Variants in MYO10 observed in about 807,000 individuals in gnomAD.
The protein encoded by MYO10 is myosin X.
A neutral mutation model predicts 257.3 loss-of-function variants in MYO10; 133 were observed. The observed-to-expected ratio is 0.52, with a 90% CI of 0.45 to 0.60. The LOEUF (loss-of-function observed/expected upper bound fraction) is 0.60, where lower values mean the gene tolerates loss of function less well. Among genes scored for constraint, MYO10 ranks in the 20% least tolerant of loss-of-function variants. MYO10 has a pLI of 0.00. For missense variants in MYO10, 2,399 were observed against 2,635.7 expected, an observed-to-expected ratio of 0.91 and a Z score of 1.97; for synonymous variants, 1,104 against 1,028.6, an observed-to-expected ratio of 1.07 and a Z score of -1.40.
At chr5:16,866,882 A>G (rs1006997734) in intron 2 of MYO10, among the ~76,000 whole-genome samples, 5 of 151,642 alleles carry the variant, frequency 3.3e-5, no homozygotes, top group Non-Finnish European at 7.4e-5. Flanking sequence ...GCTGGTCTCC[A>G]CCCACAGCCG....
Position 16,666,308 on chromosome 5 carries a change from GCT to G in MYO10, c.*382_*383del. ...TTGACAGAGAATGCCCCCCTTCCACGCTCTGTTAAGTCTCCCCCAGAAGGGGG... is the reference window on the plus strand; with the variant it reads ...TTGACAGAGAATGCCCCCCTTCCACGCTGTTAAGTCTCCCCCAGAAGGGGG... On this transcript the variant is annotated 3_prime_UTR_variant, in exon 41 of 41. Transcript: ENST00000513610. 5.8e-6 allele frequency: 1 copy of G among 172,154 alleles called. No individual in the cohort carries two copies. The highest frequency in any genetic ancestry group is 2.4e-5 in the African/African-American group (1 of 42,366). 10.7% of individuals were successfully genotyped at this position (172,154 alleles called of 1,614,324 possible).
At chr5:16,892,675 G>A (rs1745092476) in intron 1 of MYO10, among the ~76,000 whole-genome samples, 1 of 151,958 alleles carries the variant, frequency 6.6e-6, no homozygotes, top group Non-Finnish European at 1.5e-5. Flanking sequence ...GATGCCATAG[G>A]TCTTCAACCC....
intron 19 of MYO10, among the ~76,000 whole-genome samples, chr5:16,717,449 C>G (rs111561875): frequency 6.6e-6 from 1 of 152,146 alleles, no homozygotes; most frequent in African/African-American, 2.4e-5. Flanking sequence ...TCCTAGAGAT[C>G]AACTTGTCAG....
intron 19 of MYO10, 35 bp from the exon 20 acceptor site, chr5:16,711,280 T>G (rs1201894164): frequency 2.4e-5 from 38 of 1,584,598 alleles, no homozygotes; most frequent in Non-Finnish European, 3.2e-5. Context: ...GGGATACCAT[T>G]AGAAAAAATG....
At chr5:16,805,288 C>A (rs953875633) in intron 3 of MYO10, among the ~76,000 whole-genome samples, 3 of 151,796 alleles carry the variant, frequency 2.0e-5, no homozygotes, top group African/African-American at 7.3e-5. Context: ...CATGGTGAAA[C>A]CCCGTCTCTA....
rs1244085930 is a variant in MYO10, at chr5:16,781,747, T to C, written c.685A>G (p.Ile229Val). The change falls in exon 6 of 41, where the codon ATC (isoleucine) becomes GTC (valine). Residue 229 changes from isoleucine to valine, a missense_variant. Around this residue, in one of 3 missense-constraint regions of MYO10, gnomAD observed 337 missense variants for 446.8 expected, o/e 0.75. Coordinates refer to ENST00000513610, the MANE Select transcript of MYO10 (RefSeq NM_012334.3). ...SRFGKFVQLNICQKGNIQGGR... is the reference protein window; with the variant it reads ...SRFGKFVQLNVCQKGNIQGGR... Reference sequence around the variant, plus strand: ...CCCTGAATATTTCCTTTCTGACAGATGTTCAGCTGAACAAACTTCCCAAAG... The same window carrying C: ...CCCTGAATATTTCCTTTCTGACAGACGTTCAGCTGAACAAACTTCCCAAAG... 2 of 1,613,900 alleles carry C rather than the reference T, an allele frequency of 1.2e-6. No individual in the cohort carries two copies. Among genetic ancestry groups the C allele is most frequent in the African/African-American group, 1.3e-5 (1 of 74,948 alleles).
At chr5:16,790,980 T>C (rs1305862493) in intron 4 of MYO10, among the ~76,000 whole-genome samples, 3 of 151,388 alleles carry the variant, frequency 2.0e-5, no homozygotes, top group Non-Finnish European at 4.4e-5. Flanking sequence ...TACACAAAAA[T>C]GGCAAAATTA....
At chr5:16,720,228 C>T (rs188068043) in intron 19 of MYO10, among the ~76,000 whole-genome samples, 341 of 152,112 alleles carry the variant, frequency 2.2e-3, no homozygotes, top group African/African-American at 8.0e-3. Context: ...GACAAACAGC[C>T]CCAGAAAGCC....
chr5:16,897,302 TAAAAA>T (rs3060810), intron 1 of MYO10, among the ~76,000 whole-genome samples: 2 of 129,082 alleles, frequency 1.5e-5, no homozygotes, highest in African/African-American at 2.9e-5. Context: ...TTACACTTCG[TAAAAA>T]AAAAAAAAAA....
chr5:16,854,701 C>G (rs1743909729), intron 2 of MYO10, among the ~76,000 whole-genome samples: 1 of 152,096 alleles, frequency 6.6e-6, no homozygotes, highest in South Asian at 2.1e-4. Flanking sequence ...TGAATTATAT[C>G]ACAATCAAAC....
chr5:16,743,866 A>T (rs2126633959), intron 19 of MYO10, among the ~76,000 whole-genome samples: 2 of 152,348 alleles, frequency 1.3e-5, no homozygotes, highest in Admixed American at 1.3e-4. Context: ...TTTAATAATA[A>T]TGTAGCAATA....
chr5:16,754,783 T>C (rs1740479406), intron 19 of MYO10, 45 bp downstream of exon 19: 1 of 1,422,252 alleles, frequency 7.0e-7, no homozygotes, highest in African/African-American at 1.4e-5. Flanking sequence ...CAGGAGGCTG[T>C]GTCCCTCGAG....
In MYO10 at chr5:16,770,140, G is replaced by A. The variant is rs557536061; in HGVS notation, c.931-937C>T. 3.9e-5 allele frequency among the ~76,000 whole-genome samples: 6 copies of A among 152,230 alleles called. No individual in the cohort carries two copies. The South Asian group carries it at 8.3e-4, about 21-fold the overall frequency. On this transcript the variant is annotated intron_variant, in intron 9 of 40. Transcript: ENST00000513610. Reference sequence around the variant, plus strand: ...CCAGCTCCTGGCTTGGCTGAGGCAGGAGTATCGCATGAACCCAGGAGTTCA... The same window carrying A: ...CCAGCTCCTGGCTTGGCTGAGGCAGAAGTATCGCATGAACCCAGGAGTTCA...
intron 1 of MYO10, among the ~76,000 whole-genome samples, chr5:16,908,732 A>G (rs932278182): frequency 2.6e-5 from 4 of 152,222 alleles, no homozygotes; most frequent in African/African-American, 7.2e-5. Context: ...GTATATAACC[A>G]TATTTGTTAC....
intron 10 of MYO10, among the ~76,000 whole-genome samples, chr5:16,767,781 G>C (rs1301248986): frequency 6.6e-6 from 1 of 152,004 alleles, no homozygotes; most frequent in African/African-American, 2.4e-5. Flanking sequence ...AGGTTCAAGA[G>C]ATTCTCGTGC....
intron 2 of MYO10, among the ~76,000 whole-genome samples, chr5:16,849,400 T>G (rs1182717144): frequency 2.2e-5 from 3 of 138,880 alleles, no homozygotes; most frequent in Non-Finnish European, 4.4e-5. Flanking sequence ...TGGTAGAGTT[T>G]GTGCCACTAG....
intron 1 of MYO10, among the ~76,000 whole-genome samples, chr5:16,895,899 G>A (rs1745204653): frequency 6.6e-6 from 1 of 152,140 alleles, no homozygotes. Context: ...TTAATGCAAG[G>A]GGGGCCCTGC....
At chr5:16,781,554 T>A (rs1044894139) in intron 6 of MYO10, 151 bp downstream of exon 6, 7 of 813,692 alleles carry the variant, frequency 8.6e-6, no homozygotes, top group Non-Finnish European at 1.3e-5. Context: ...TTAACAGGTA[T>A]ACTAACATTA....
chr5:16,785,128 G>A (rs1183415453), intron 4 of MYO10, among the ~76,000 whole-genome samples: 1 of 152,248 alleles, frequency 6.6e-6, no homozygotes, highest in African/African-American at 2.4e-5. Flanking sequence ...GCCCAGCCGG[G>A]GCGGGGGCTG....
Sources: gnomAD v4.1 joint callset for allele counts (sites outside exome capture counted in the v4.1 genomes callset) on GRCh38, gnomAD v4.1.1 for gene constraint, gnomAD v4.1.1 regional missense constraint, MANE v1.5 for transcripts, NCBI Gene and HGNC (gene_info 2026-07-23, HGNC 2026-07-21) for gene names.